Variants in LARP4B observed in about 807,000 individuals in gnomAD.
The protein encoded by LARP4B is la-related protein 4B.
In LARP4B, 12 loss-of-function variants were observed where a neutral mutation model predicts 89.8. That is an observed-to-expected ratio of 0.13 (90% CI 0.09 to 0.22). The LOEUF is 0.22. Among genes scored for constraint, LARP4B ranks in the 10% least tolerant of loss-of-function variants. The probability of loss-of-function intolerance (pLI) is 1.00; values close to 1 mark genes in which losing one functional copy is unlikely to be tolerated. For synonymous variants in LARP4B, 367 were observed against 363.3 expected, an observed-to-expected ratio of 1.01 and a Z score of -0.12; for missense variants, 757 against 947.7, an observed-to-expected ratio of 0.80 and a Z score of 2.64.
chr10:874,920 C>T (rs1177207116), intron 3 of LARP4B, among the ~76,000 whole-genome samples: 1 of 152,076 alleles, frequency 6.6e-6, no homozygotes, highest in Non-Finnish European at 1.5e-5. Flanking sequence ...ATCTATGCAT[C>T]CATTTTGTCA....
Position 902,071 on chromosome 10 carries a change from G to A in LARP4B, c.-39-16311C>T, listed in dbSNP as rs149657994. 1.1e-3 allele frequency among the ~76,000 whole-genome samples: 170 copies of A among 152,272 alleles called. 2 individuals carry two copies. The highest frequency in any genetic ancestry group is 3.8e-3 in the African/African-American group (159 of 41,554). The stretch of plus-strand genomic sequence containing the variant: ...CGTTAAAGCCTGTGACTGGGTCTAC[G>A]ACATTATCTTCTGGAGAGTACAATC... On this transcript the variant is annotated intron_variant, in intron 1 of 17. Coordinates refer to ENST00000316157, the MANE Select transcript of LARP4B (RefSeq NM_015155.3).
the LARP4B span, among the ~76,000 whole-genome samples, chr10:944,532 T>C: frequency 6.6e-6 from 1 of 152,186 alleles, no homozygotes; most frequent in East Asian, 1.9e-4. Context: ...CTGCTGTAGG[T>C]ATGAAGAAAC....
chr10:871,348 T>G (rs1835189268), intron 3 of LARP4B, among the ~76,000 whole-genome samples: 1 of 152,146 alleles, frequency 6.6e-6, no homozygotes, highest in South Asian at 2.1e-4. Context: ...CGGGGGGCAC[T>G]CCTTGTGCCA....
the LARP4B span, among the ~76,000 whole-genome samples, chr10:959,243 C>A: frequency 6.6e-6 from 1 of 152,136 alleles, no homozygotes; most frequent in African/African-American, 2.4e-5. Flanking sequence ...TGCGTATTCT[C>A]CCCTAGTGAT....
chr10:845,049 T>C lies in LARP4B; in HGVS notation c.437A>G (p.Asn146Ser). ...SLPENSETGG[N>S]ESQPDSQEDP... ...TTCCTGGCTGTCTGGTTGAGACTCATTTCCTCCTACATAAAAGTAATAATC... is the reference window on the plus strand; with the variant it reads ...TTCCTGGCTGTCTGGTTGAGACTCACTTCCTCCTACATAAAAGTAATAATC... Residue 146 changes from asparagine to serine, a missense_variant, in exon 6 of 18, where the codon AAT becomes AGT. By Grantham distance (46) the Asn-to-Ser change is conservative. Around this residue, in one of 5 missense-constraint regions of LARP4B, gnomAD observed 54 missense variants for 96.0 expected, o/e 0.56. Coordinates refer to ENST00000316157, the MANE Select transcript of LARP4B (RefSeq NM_015155.3). 6.2e-7 allele frequency: 1 copy of C among 1,606,132 alleles called. No individual in the cohort carries two copies. Among genetic ancestry groups the C allele is most frequent in the South Asian group, 1.1e-5 (1 of 90,676 alleles).
At chr10:842,324 A>G (rs1489492615) in intron 7 of LARP4B, among the ~76,000 whole-genome samples, 1 of 152,028 alleles carries the variant, frequency 6.6e-6, no homozygotes, top group African/African-American at 2.4e-5. Flanking sequence ...CAGCCTCTCA[A>G]GTACCTGGGA....
chr10:814,620 C>A lies in LARP4B; in HGVS notation c.1929+122G>T, dbSNP rs373027720. On this transcript the variant is annotated intron_variant, in intron 17 of 17. Transcript: ENST00000316157. The surrounding 1 kb of genome is among the most constrained non-coding windows in gnomAD (Gnocchi z 4.4). ...GTACAGAAAACACAACACAGACAGA[C>A]GCAAATAAAAACCCACCAAATTAGA... The A allele has an allele frequency of 7.1e-6, 11 of 1,547,042 alleles. No individual in the cohort carries two copies. The highest frequency in any genetic ancestry group is 9.6e-6 in the Non-Finnish European group (11 of 1,144,320).
At chr10:889,396 T>C (rs1317548387) in intron 1 of LARP4B, among the ~76,000 whole-genome samples, 1 of 151,446 alleles carries the variant, frequency 6.6e-6, no homozygotes, top group Non-Finnish European at 1.5e-5. Context: ...ACTCACTCAC[T>C]CAGACTGGGA....
At chr10:946,708 C>T in the LARP4B span, among the ~76,000 whole-genome samples, 1 of 152,164 alleles carries the variant, frequency 6.6e-6, no homozygotes, top group Non-Finnish European at 1.5e-5. Flanking sequence ...AGAAACTATT[C>T]TGTGACTGAA....
At chr10:901,421 T>C (rs1836342136) in intron 1 of LARP4B, among the ~76,000 whole-genome samples, 1 of 152,230 alleles carries the variant, frequency 6.6e-6, no homozygotes. Flanking sequence ...AATAGAATAA[T>C]GTGAGAGCAC....
At chr10:826,861 TATAAC>T (rs1832653051) in intron 11 of LARP4B, among the ~76,000 whole-genome samples, 1 of 152,188 alleles carries the variant, frequency 6.6e-6, no homozygotes, top group Non-Finnish European at 1.5e-5. Context: ...AACTGGAAGA[TATAAC>T]AGAAAAAGAA....
At chr10:837,517 A>G (rs763961970) in intron 7 of LARP4B, among the ~76,000 whole-genome samples, 35 of 152,380 alleles carry the variant, frequency 2.3e-4, no homozygotes, top group Middle Eastern at 3.4e-3. Context: ...CAAGGGCCAC[A>G]GCAAAGCTGG....
At chr10:983,689 T>C in the LARP4B span, among the ~76,000 whole-genome samples, 1 of 152,082 alleles carries the variant, frequency 6.6e-6, no homozygotes, top group African/African-American at 2.4e-5. Context: ...CCGAATTACC[T>C]CCCCAAGGCT....
chr10:858,516 T>G (rs1834424403), intron 5 of LARP4B, among the ~76,000 whole-genome samples: 1 of 152,208 alleles, frequency 6.6e-6, no homozygotes, highest in Non-Finnish European at 1.5e-5. Flanking sequence ...ACCAAAGGCA[T>G]AGGCAGCCCA....
At chr10:887,241 A>G (rs1241412637) in intron 1 of LARP4B, among the ~76,000 whole-genome samples, 1 of 152,176 alleles carries the variant, frequency 6.6e-6, no homozygotes, top group Non-Finnish European at 1.5e-5. Flanking sequence ...CTATAGTTGT[A>G]ATATTGTATT....
chr10:860,105 GA>G (rs1834517974), intron 5 of LARP4B, among the ~76,000 whole-genome samples: 1 of 90,564 alleles, frequency 1.1e-5, no homozygotes, highest in Non-Finnish European at 2.0e-5. Flanking sequence ...GAATAGTGAA[GA>G]AGGCCATGCA....
the LARP4B span, among the ~76,000 whole-genome samples, chr10:944,519 A>G: frequency 3.3e-5 from 5 of 152,166 alleles, no homozygotes; most frequent in African/African-American, 9.7e-5. Context: ...TCGCGTTGCA[A>G]TGCTGCTGTA....
chr10:927,121 G>A (rs1196143477), intron 1 of LARP4B, among the ~76,000 whole-genome samples: 1 of 152,146 alleles, frequency 6.6e-6, no homozygotes, highest in African/African-American at 2.4e-5. Context: ...TCCTAACCAG[G>A]GCAATGGGGT....
chr10:870,038 C>G (rs754702652), intron 3 of LARP4B: 233 of 985,448 alleles, frequency 2.4e-4, no homozygotes, highest in Non-Finnish European at 2.7e-4. Context: ...ATCATGCCAT[C>G]CCCAAACAAC....
Sources: allele counts gnomAD v4.1 joint callset (sites outside exome capture counted in the v4.1 genomes callset), GRCh38; gene constraint gnomAD v4.1.1; regional missense constraint gnomAD v4.1.1; non-coding constraint Gnocchi (gnomAD v3.1); transcripts MANE v1.5; gene names NCBI Gene and HGNC (gene_info 2026-07-23, HGNC 2026-07-21).